GLDC: variants seen among roughly 807,000 people sequenced by gnomAD.
The protein encoded by GLDC is glycine dehydrogenase (decarboxylating), mitochondrial.
A neutral mutation model predicts 121.3 loss-of-function variants in GLDC; 104 were observed. That is an observed-to-expected ratio of 0.86 (90% CI 0.73 to 1.01). GLDC has a LOEUF of 1.01. GLDC is among the 50% of genes least tolerant of loss of function. The pLI is 0.00. For missense variants in GLDC, 1,429 were observed against 1,306.6 expected (o/e 1.09, Z -1.44); for synonymous variants, 546 against 480.6 (o/e 1.14, Z -1.78).
chr9:6,577,386 C>G (rs1337634703), intron 15 of GLDC, among the ~76,000 whole-genome samples: 1 of 152,180 alleles, frequency 6.6e-6, no homozygotes, highest in Non-Finnish European at 1.5e-5. Flanking sequence ...TTGCCTCCAG[C>G]CCCAGGGCAA....
Position 6,614,511 on chromosome 9 carries a change from A to C in GLDC, c.471-4155T>G, listed in dbSNP as rs1818929683. On this transcript the variant is annotated intron_variant, in intron 3 of 24. Coordinates refer to ENST00000321612, the MANE Select transcript of GLDC (RefSeq NM_000170.3). ...CAGCCTCCCAAAATGTTGGGAATACAGGCGTGAGCCACCACGCCCAGCTGA... is the reference window on the plus strand; with the variant it reads ...CAGCCTCCCAAAATGTTGGGAATACCGGCGTGAGCCACCACGCCCAGCTGA... Among the ~76,000 whole-genome samples, 4 of 151,492 alleles carry C rather than the reference A, an allele frequency of 2.6e-5. No homozygotes were observed. The South Asian group carries it at 8.3e-4, about 32-fold the overall frequency.
intron 2 of GLDC, among the ~76,000 whole-genome samples, chr9:6,630,939 G>A (rs1819362426): frequency 6.6e-6 from 1 of 152,108 alleles, no homozygotes. Context: ...TTCCTCCCTG[G>A]GCAGAGGAGG....
chr9:6,596,055 G>A (rs1230563865), intron 8 of GLDC, among the ~76,000 whole-genome samples: 1 of 152,170 alleles, frequency 6.6e-6, no homozygotes, highest in Non-Finnish European at 1.5e-5. Flanking sequence ...CACTCTTATG[G>A]ACTCCTTACA....
At chr9:6,565,888 C>T (rs1817845716) in intron 15 of GLDC, 1 of 273,386 alleles carries the variant, frequency 3.7e-6, no homozygotes, top group Admixed American at 4.9e-5. Context: ...AAACTTCAAA[C>T]ATCCTATCAT....
At chr9:6,628,749 G>C (rs1280886942) in intron 2 of GLDC, among the ~76,000 whole-genome samples, 1 of 152,160 alleles carries the variant, frequency 6.6e-6, no homozygotes, top group Non-Finnish European at 1.5e-5. Context: ...TAAAGAAAAA[G>C]AAACACTTGG....
intron 8 of GLDC, among the ~76,000 whole-genome samples, chr9:6,598,282 T>C (rs1332903418): frequency 2.0e-5 from 3 of 152,212 alleles, no homozygotes; most frequent in East Asian, 3.8e-4. Flanking sequence ...CCTCCTGCCT[T>C]GGCCTCCTAA....
At position 6,587,149 on chromosome 9, in the gene GLDC, C is replaced by A. The variant is rs1818287682; in HGVS notation, c.1842G>T (p.Gln614His). ...ELTGYDQVCF[Q>H]PNSGAQGEYA... ...AAAAGAAATGCCCTTACCTGTTTGGCTGGAAACAGACCTGGTCATAACCTG... is the reference window on the plus strand; with the variant it reads ...AAAAGAAATGCCCTTACCTGTTTGGATGGAAACAGACCTGGTCATAACCTG... The change falls in exon 15 of 25, where the codon CAG becomes CAT. Residue 614 changes from glutamine to histidine, a missense_variant. Gln to His is a conservative substitution (Grantham distance 24). Transcript: ENST00000321612. 1 of 1,613,052 alleles carries A rather than the reference C, an allele frequency of 6.2e-7. No individual in the cohort carries two copies. Among genetic ancestry groups the A allele is most frequent in the Non-Finnish European group, 8.5e-7 (1 of 1,179,582 alleles).
intron 2 of GLDC, among the ~76,000 whole-genome samples, chr9:6,630,445 G>T (rs1413660869): frequency 6.6e-6 from 1 of 152,002 alleles, no homozygotes; most frequent in Non-Finnish European, 1.5e-5. Context: ...CACTAACCGC[G>T]TCAGAGCCTC....
chr9:6,581,759 T>C (rs1433744582), intron 15 of GLDC, among the ~76,000 whole-genome samples: 1 of 152,132 alleles, frequency 6.6e-6, no homozygotes, highest in Non-Finnish European at 1.5e-5. Context: ...AAAGCTAATA[T>C]TTACCAGAGA....
intron 4 of GLDC, among the ~76,000 whole-genome samples, chr9:6,608,088 G>C (rs1818772088): frequency 6.6e-6 from 1 of 151,890 alleles, no homozygotes; most frequent in Non-Finnish European, 1.5e-5. Flanking sequence ...GTGCACCCCA[G>C]CCTGGGTGAC....
intron 8 of GLDC, among the ~76,000 whole-genome samples, chr9:6,598,319 C>A (rs1818531300): frequency 6.6e-6 from 1 of 152,188 alleles, no homozygotes; most frequent in African/African-American, 2.4e-5. Context: ...GTGTGAGCCA[C>A]CGCACCCTGT....
At chr9:6,588,144 G>T (rs1343852437) in intron 14 of GLDC, among the ~76,000 whole-genome samples, 5 of 150,212 alleles carry the variant, frequency 3.3e-5, no homozygotes, top group Non-Finnish European at 7.4e-5. Context: ...GGAGGGATAG[G>T]ATAGAAAGGC....
chr9:6,633,663 T>C (rs1022665510), intron 2 of GLDC, among the ~76,000 whole-genome samples: 1 of 151,892 alleles, frequency 6.6e-6, no homozygotes, highest in Admixed American at 6.6e-5. Context: ...GGCTCACAAC[T>C]GTAATCCCAG....
At position 6,550,951 on chromosome 9, in the gene GLDC, C is replaced by T. The variant is rs774384998; in HGVS notation, c.2458-37G>A. 10 of 1,327,420 alleles carry T rather than the reference C, an allele frequency of 7.5e-6. No individual in the cohort carries two copies. The East Asian group carries it at 2.1e-4, about 27-fold the overall frequency. 82.2% of individuals were successfully genotyped at this position (1,327,420 alleles called of 1,614,324 possible). ...GGAAAAAGAGCCATTAGCCATTGAACAGGCAAACACGAATGTGAAGAAACC... is the reference window on the plus strand; with the variant it reads ...GGAAAAAGAGCCATTAGCCATTGAATAGGCAAACACGAATGTGAAGAAACC... On this transcript the variant is annotated intron_variant, in intron 20 of 24. Transcript: ENST00000321612.
intron 2 of GLDC, among the ~76,000 whole-genome samples, chr9:6,621,152 A>G (rs12347312): frequency 0.041 from 6,248 of 152,260 alleles, 430 homozygotes; most frequent in African/African-American, 0.14. Flanking sequence ...CCTGAGTGAC[A>G]GAGTGAGACC....
In GLDC at chr9:6,558,611, G is replaced by A. The variant is rs753545868; in HGVS notation, c.2000C>T (p.Pro667Leu). 1 of 1,614,150 alleles carries A rather than the reference G, an allele frequency of 6.2e-7. No individual in the cohort carries two copies. ...ATTCCCATATTTATCCACCTCCACA[G>A]GCTGAATCTTCATGCCTGCCATGTG... Reference protein sequence around the residue: ...SAHMAGMKIQPVEVDKYGNID... With the variant: ...SAHMAGMKIQLVEVDKYGNID... Residue 667 changes from proline (P) to leucine (L), a missense_variant, in exon 17 of 25, where the codon CCT (proline) becomes CTT (leucine). By Grantham distance (98) the Pro-to-Leu change is moderately conservative. Transcript: ENST00000321612.
intron 21 of GLDC, among the ~76,000 whole-genome samples, chr9:6,543,141 G>C (rs986210336): frequency 6.6e-6 from 1 of 151,564 alleles, no homozygotes; most frequent in African/African-American, 2.4e-5. Flanking sequence ...CCAGGTGTGT[G>C]GCAGACATCT....
intron 5 of GLDC, chr9:6,605,494 CCT>C: frequency 1.7e-6 from 1 of 602,838 alleles, no homozygotes; most frequent in Non-Finnish European, 3.0e-6. Context: ...TCTCTTCTAT[CCT>C]CTGACTCCCC....
At chr9:6,639,668 A>AAAAAAAATACATATATAT in intron 2 of GLDC, 1 of 244,954 alleles carries the variant, frequency 4.1e-6, no homozygotes, top group Non-Finnish European at 6.6e-6. Flanking sequence ...ATAAAAAAAA[A>AAAAAAAATACATATATAT]GTATATATAT....
Sources: allele counts gnomAD v4.1 joint callset (sites outside exome capture counted in the v4.1 genomes callset), GRCh38; gene constraint gnomAD v4.1.1; transcripts MANE v1.5; gene names NCBI Gene and HGNC (gene_info 2026-07-23, HGNC 2026-07-21).